DCLK1: variants seen among roughly 807,000 people sequenced by gnomAD.
DCLK1 encodes the protein serine/threonine-protein kinase DCLK1.
DCLK1 carries 16 observed loss-of-function variants against 86.2 expected under a neutral mutation model. The observed-to-expected ratio is 0.19, with a 90% CI of 0.13 to 0.28. The LOEUF is 0.28. Among genes scored for constraint, DCLK1 ranks in the 10% least tolerant of loss-of-function variants. The pLI is 1.00. For synonymous variants in DCLK1, 369 were observed against 370.5 expected (o/e 1.00, Z 0.05); for missense variants, 590 against 940.2 (o/e 0.63, Z 4.87).
intron 6 of DCLK1, among the ~76,000 whole-genome samples, chr13:35,845,181 G>C (rs1593654084): frequency 6.6e-6 from 1 of 152,170 alleles, no homozygotes; most frequent in East Asian, 1.9e-4. Context: ...CCAGAAGGCG[G>C]AGGTTGCAGT....
At chr13:35,957,937 T>TATAACCACCATCATCATC (rs1566620076) in intron 3 of DCLK1, among the ~76,000 whole-genome samples, 1 of 2,722 alleles carries the variant, frequency 3.7e-4, no homozygotes, top group African/African-American at 1.1e-3. Context: ...CCATCACCAC[T>TATAACCACCATCATCATC]ACCACTACTA....
intron 3 of DCLK1, among the ~76,000 whole-genome samples, chr13:35,960,013 C>A (rs1347494634): frequency 6.6e-6 from 1 of 152,106 alleles, no homozygotes; most frequent in Non-Finnish European, 1.5e-5. Context: ...TTCCTCTCTT[C>A]CCCAATGCTT....
chr13:35,962,435 A>G (rs1160450397), intron 3 of DCLK1, among the ~76,000 whole-genome samples: 8 of 152,320 alleles, frequency 5.3e-5, no homozygotes, highest in African/African-American at 1.9e-4. Context: ...ACCAGAAGCT[A>G]GGGGAGAGGC....
intron 3 of DCLK1, among the ~76,000 whole-genome samples, chr13:36,052,268 T>A (rs539891676): frequency 6.6e-6 from 1 of 152,178 alleles, no homozygotes; most frequent in Admixed American, 6.5e-5. Context: ...CTTGCTATGA[T>A]AACAGAACTG....
At chr13:36,108,555 G>T (rs1031064304) in intron 3 of DCLK1, among the ~76,000 whole-genome samples, 2 of 152,166 alleles carry the variant, frequency 1.3e-5, no homozygotes, top group African/African-American at 2.4e-5. Context: ...TAAACAGCAG[G>T]CTCCGGCTTT....
intron 8 of DCLK1, among the ~76,000 whole-genome samples, chr13:35,834,861 G>T (rs912867291): frequency 6.6e-6 from 1 of 152,144 alleles, no homozygotes; most frequent in Non-Finnish European, 1.5e-5. Flanking sequence ...TGAAGTGTTG[G>T]AGTAGAACAA....
At chr13:35,851,224 G>T (rs891100962) in intron 6 of DCLK1, among the ~76,000 whole-genome samples, 3 of 152,188 alleles carry the variant, frequency 2.0e-5, no homozygotes, top group African/African-American at 4.8e-5. Context: ...TGTTGTAGTT[G>T]CATGTGGCAT....
chr13:35,816,192 T>C (rs958685212), intron 11 of DCLK1, among the ~76,000 whole-genome samples: 3 of 152,202 alleles, frequency 2.0e-5, no homozygotes, highest in African/African-American at 4.8e-5. Context: ...CGTTATTACA[T>C]TTCTGTCACA....
intron 3 of DCLK1, among the ~76,000 whole-genome samples, chr13:35,950,249 G>T (rs1877593788): frequency 6.6e-6 from 1 of 152,180 alleles, no homozygotes; most frequent in Admixed American, 6.5e-5. Flanking sequence ...ATGAATTTAG[G>T]ATAATCTGTG....
At chr13:36,038,039 C>T (rs999475765) in intron 3 of DCLK1, among the ~76,000 whole-genome samples, 2 of 152,078 alleles carry the variant, frequency 1.3e-5, no homozygotes, top group Non-Finnish European at 2.9e-5. Context: ...CTCTTGGAGG[C>T]GGTGACTGTG....
intron 4 of DCLK1, among the ~76,000 whole-genome samples, chr13:35,911,890 T>C (rs781366014): frequency 9.2e-5 from 14 of 152,154 alleles, no homozygotes; most frequent in Non-Finnish European, 1.9e-4. Context: ...CAGGGTGTCA[T>C]AGTAAGGGCA....
At chr13:35,972,451 CTA>C (rs1879117286) in intron 3 of DCLK1, among the ~76,000 whole-genome samples, 1 of 152,136 alleles carries the variant, frequency 6.6e-6, no homozygotes, top group African/African-American at 2.4e-5. Flanking sequence ...TACCTCAGAG[CTA>C]CACACATAGT....
At chr13:36,127,416 G>A (rs995430587) in intron 1 of DCLK1, among the ~76,000 whole-genome samples, 7 of 152,086 alleles carry the variant, frequency 4.6e-5, no homozygotes, top group African/African-American at 1.4e-4. Flanking sequence ...AAGAAATTGA[G>A]GCTTAAAGAT....
At chr13:35,894,904 C>T (rs762697935) in intron 4 of DCLK1, among the ~76,000 whole-genome samples, 1 of 152,178 alleles carries the variant, frequency 6.6e-6, no homozygotes, top group African/African-American at 2.4e-5. Context: ...CAAACTGGGG[C>T]ATGATTACAA....
At chr13:35,951,835 C>T (rs1877708346) in intron 3 of DCLK1, among the ~76,000 whole-genome samples, 1 of 152,134 alleles carries the variant, frequency 6.6e-6, no homozygotes, top group African/African-American at 2.4e-5. Context: ...CAGGAAACCT[C>T]CATCAGCTAT....
intron 3 of DCLK1, among the ~76,000 whole-genome samples, chr13:35,986,376 A>G (rs1879913729): frequency 6.6e-6 from 1 of 150,962 alleles, no homozygotes; most frequent in African/African-American, 2.4e-5. Context: ...GGCAGGGGAG[A>G]ACCAGGAGGT....
chr13:36,075,965 C>T (rs1223798258), intron 3 of DCLK1, among the ~76,000 whole-genome samples: 1 of 152,176 alleles, frequency 6.6e-6, no homozygotes, highest in Non-Finnish European at 1.5e-5. Context: ...GCCGAGGATG[C>T]AGTGAGCTGA....
chr13:36,110,587 C>A (rs980725134), intron 3 of DCLK1, among the ~76,000 whole-genome samples: 2 of 152,080 alleles, frequency 1.3e-5, no homozygotes, highest in African/African-American at 2.4e-5. Context: ...AATGCGCTAG[C>A]CTTTAAGAAC....
At chr13:35,923,832 A>G (rs2153127465) in intron 4 of DCLK1, among the ~76,000 whole-genome samples, 1 of 152,290 alleles carries the variant, frequency 6.6e-6, no homozygotes, top group South Asian at 2.1e-4. Context: ...GGGGTCTGTT[A>G]GCCCTTGCTG....
Sources: allele counts gnomAD v4.1 joint callset (sites outside exome capture counted in the v4.1 genomes callset), GRCh38; gene constraint gnomAD v4.1.1; transcripts MANE v1.5; gene names NCBI Gene and HGNC (gene_info 2026-07-23, HGNC 2026-07-21).